The following DHX37 variants were observed in gnomAD, a reference collection of about 807,000 sequenced individuals.
The protein encoded by DHX37 is probable ATP-dependent RNA helicase DHX37.
In DHX37, 52 loss-of-function variants were observed where a neutral mutation model predicts 134.3. The ratio of observed to expected loss-of-function variants is 0.39; its 90% CI spans 0.31 to 0.49. The LOEUF is 0.49. DHX37 is among the 20% of genes least tolerant of loss of function. The pLI is 0.93. For synonymous variants in DHX37, 634 were observed against 670.7 expected (o/e 0.95, Z 0.85); for missense variants, 1,344 against 1,580.8 (o/e 0.85, Z 2.54).
Position 124,954,208 on chromosome 12 carries a change from T to C in DHX37, c.2457A>G (p.Pro819=), listed in dbSNP as rs764963329. 9 of 1,592,852 alleles carry C rather than the reference T, an allele frequency of 5.7e-6. No homozygotes were observed. Among genetic ancestry groups the C allele is most frequent in the Non-Finnish European group, 7.7e-6 (9 of 1,171,138 alleles). Residue 819 remains proline (P), a synonymous_variant, in exon 19 of 27, where the codon CCA becomes CCG. Coordinates refer to ENST00000308736, the MANE Select transcript of DHX37 (RefSeq NM_032656.4). ...TGGTGAGCTCCTCGTCACTGGCCGC[T>C]GGTCTGCAAACACACATACATACTG... ...VRELFEELDR[P]AASDEELTRL... is the part of the protein sequence containing the mutation.
chr12:124,956,948 C>T, intron 17 of DHX37, 69 bp from the exon 18 acceptor site: 1 of 1,536,382 alleles, frequency 6.5e-7, no homozygotes, highest in Non-Finnish European at 8.8e-7. Flanking sequence ...AGGCCCCACG[C>T]TTGAGGCAGC....
At position 124,975,450 on chromosome 12, in the gene DHX37, G is replaced by A; in HGVS notation, c.949C>T (p.Arg317Ter). Residue 317 changes from arginine (R) to a stop codon, truncating the protein, a stop_gained, in exon 6 of 27, where the codon CGA (arginine) becomes TGA (stop). Transcript: ENST00000308736. LOFTEE classifies it high-confidence loss of function. ...RRVAAVAMSQ[R>*]VAKEMNLSQR... ...GACAGATTCATCTCCTTGGCCACTC[G>A]CTGGGACATGGCCACGGCGGCCACT... 1.2e-6 allele frequency: 2 copies of A among 1,612,932 alleles called. No individual in the cohort carries two copies. Among genetic ancestry groups the A allele is most frequent in the Non-Finnish European group, 1.7e-6 (2 of 1,180,004 alleles).
In DHX37 at chr12:124,982,502, C is replaced by T. The variant is rs746003017; in HGVS notation, c.389+9G>A. ...GAGGGCAGGGTTAGCAAAGGACTGG[C>T]CAACTCACTCTTTGGTGTGATACAT... On this transcript the variant is annotated intron_variant, in intron 3 of 26. Coordinates refer to ENST00000308736, the MANE Select transcript of DHX37 (RefSeq NM_032656.4). 45 of 1,612,730 alleles carry T rather than the reference C, an allele frequency of 2.8e-5. No homozygotes were observed. In the Admixed American group the frequency reaches 7.5e-4, roughly 27 times the overall value.
intron 8 of DHX37, among the ~76,000 whole-genome samples, chr12:124,970,930 C>G (rs1292880911): frequency 1.3e-5 from 2 of 152,244 alleles, no homozygotes; most frequent in African/African-American, 2.4e-5. Context: ...GCTCCGGGAG[C>G]CTGGCCCTTG....
intron 1 of DHX37, among the ~76,000 whole-genome samples, chr12:124,987,363 G>C (rs970136521): frequency 7.2e-5 from 11 of 152,164 alleles, no homozygotes; most frequent in Non-Finnish European, 1.5e-4. Flanking sequence ...ATAAATAAAA[G>C]AAGGTAATCT....
intron 2 of DHX37, among the ~76,000 whole-genome samples, chr12:124,985,827 TA>T (rs369516534): frequency 2.0e-3 from 262 of 134,074 alleles, no homozygotes; most frequent in Admixed American, 2.0e-3. Context: ...AAATTTAAAT[TA>T]AAAAAAAAAA....
intron 10 of DHX37, among the ~76,000 whole-genome samples, chr12:124,967,966 AGCTACTTGGGAGGCTGAG>A (rs1439086158): frequency 7.2e-5 from 11 of 152,226 alleles, no homozygotes; most frequent in Middle Eastern, 3.4e-3. Context: ...CTGTAATCCC[AGCTACTTGGGAGGCTGAG>A]GCAGGAGAAT....
intron 18 of DHX37, among the ~76,000 whole-genome samples, chr12:124,954,679 T>C (rs557876371): frequency 2.2e-3 from 334 of 152,312 alleles, no homozygotes; most frequent in Non-Finnish European, 3.7e-3. Flanking sequence ...ATTACAGGCA[T>C]GAGCCACCGT....
At chr12:124,985,982 C>T in intron 2 of DHX37, 114 bp downstream of exon 2, 6 of 1,354,902 alleles carry the variant, frequency 4.4e-6, no homozygotes, top group Non-Finnish European at 6.1e-6. Flanking sequence ...GAATTTTCCT[C>T]ATTCCAGAAA....
In DHX37 at chr12:124,982,648, T is replaced by C. The variant is rs199749409; in HGVS notation, c.277-25A>G. 2.5e-6 allele frequency: 4 copies of C among 1,607,468 alleles called. No homozygotes were observed. In the Admixed American group the frequency reaches 6.7e-5, roughly 27 times the overall value. Reference sequence around the variant, plus strand: ...GCTGGGAAAGGAAACGAGTGTATTATGCATTTGCCATCACGACCCTCTCTT... The same window carrying C: ...GCTGGGAAAGGAAACGAGTGTATTACGCATTTGCCATCACGACCCTCTCTT... On this transcript the variant is annotated intron_variant, in intron 2 of 26. Transcript: ENST00000308736.
intron 14 of DHX37, 107 bp downstream of exon 14, chr12:124,964,823 G>A: frequency 2.1e-6 from 3 of 1,439,518 alleles, no homozygotes; most frequent in Non-Finnish European, 2.8e-6. Flanking sequence ...AAACTCTGGG[G>A]ATGCTGATCA....
chr12:124,962,364 T>A (rs1594485546), intron 15 of DHX37, among the ~76,000 whole-genome samples: 2 of 151,906 alleles, frequency 1.3e-5, no homozygotes, highest in African/African-American at 4.8e-5. Flanking sequence ...CTACTAAAAA[T>A]CTAAGAATTG....
rs527656102 is a variant in DHX37, at chr12:124,952,753, C to G, written c.2696-183G>C. 3.1e-4 allele frequency: 144 copies of G among 467,314 alleles called. 1 individual carries two copies. Among genetic ancestry groups the G allele is most frequent in the Middle Eastern group, 5.8e-4 (1 of 1,732 alleles). The allele number at this position is 467,314 out of a possible 1,614,324, so 28.9% of individuals were successfully genotyped here. On this transcript the variant is annotated intron_variant, in intron 20 of 26. Coordinates refer to ENST00000308736, the MANE Select transcript of DHX37 (RefSeq NM_032656.4). ...CAGCAGGCAGGATTGCAGCCGCCCC[C>G]CCATTCCCTCCTTCTCCCTTGGGAC...
chr12:124,961,440 TG>T (rs199653176), intron 15 of DHX37, among the ~76,000 whole-genome samples: 24 of 151,652 alleles, frequency 1.6e-4, no homozygotes, highest in Admixed American at 1.3e-4. Context: ...GAACTTTTTT[TG>T]TTTTTGAGAT....
chr12:124,985,852 A>C (rs1186182992), intron 2 of DHX37, among the ~76,000 whole-genome samples: 3 of 151,766 alleles, frequency 2.0e-5, no homozygotes, highest in African/African-American at 7.3e-5. Context: ...AAGAAAAAAC[A>C]AGGAAAAAAG....
At chr12:124,970,206 T>C (rs550220420) in intron 8 of DHX37, among the ~76,000 whole-genome samples, 2 of 152,144 alleles carry the variant, frequency 1.3e-5, no homozygotes, top group Admixed American at 6.5e-5. Flanking sequence ...ACTCCTGACC[T>C]CAAGTGATCC....
Position 124,965,723 on chromosome 12 carries a change from C to T in DHX37, c.1680G>A (p.Glu560=), listed in dbSNP as rs745740163. 1.2e-6 allele frequency: 2 copies of T among 1,614,028 alleles called. No homozygotes were observed. Among genetic ancestry groups the T allele is most frequent in the Non-Finnish European group, 1.7e-6 (2 of 1,179,936 alleles). The change falls in exon 13 of 27, where the codon GAG becomes GAA. Residue 560 remains glutamate (E), a synonymous_variant. Transcript: ENST00000308736. ...EDREAEVDEE[E]GALDSDLDLD... is the part of the protein sequence containing the mutation. ...GATCGAGGTCGGAGTCCAGGGCCCC[C>T]TCTTCCTCATCCACTTCTGCCTCCC...
In DHX37 at chr12:124,982,516, GGT is replaced by G; in HGVS notation, c.382_383del (p.Thr128GlnfsTer5). The G allele has an allele frequency of 6.2e-7, 1 of 1,613,450 alleles. No homozygotes were observed. The highest frequency in any genetic ancestry group is 8.5e-7 in the Non-Finnish European group (1 of 1,179,652). On this transcript the variant is annotated frameshift_variant, in exon 3 of 27. Transcript: ENST00000308736. LOFTEE classifies it high-confidence loss of function. ...KLGTGNRMYH[T>X]KEKADEVVAP... is the part of the protein sequence containing the mutation. ...CAAAGGACTGGCCAACTCACTCTTT[GGT>G]GTGATACATGCGGTTCCCAGTGCCT...
At chr12:124,965,127 G>T in intron 13 of DHX37, 121 bp from the exon 14 acceptor site, 1 of 1,148,460 alleles carries the variant, frequency 8.7e-7, no homozygotes, top group Non-Finnish European at 1.2e-6. Context: ...TTGCCCTGCT[G>T]CAGAGGCTCC....
Sources: gnomAD v4.1 joint callset for allele counts (sites outside exome capture counted in the v4.1 genomes callset) on GRCh38, gnomAD v4.1.1 for gene constraint, MANE v1.5 for transcripts, NCBI Gene and HGNC (gene_info 2026-07-23, HGNC 2026-07-21) for gene names.